Variants in KIFC3 observed in about 807,000 individuals in gnomAD.
The protein encoded by KIFC3 is kinesin-like protein KIFC3.
Under a neutral mutation model 101.8 loss-of-function variants are expected in KIFC3, and 60 were observed. The observed-to-expected ratio is 0.59, with a 90% CI of 0.48 to 0.73. The LOEUF is 0.73. Among genes scored for constraint, KIFC3 ranks in the 30% least tolerant of loss-of-function variants. The probability of loss-of-function intolerance (pLI) is 0.00; values close to 1 mark genes in which losing one functional copy is unlikely to be tolerated. For missense variants in KIFC3, 966 were observed against 1,137.1 expected, an observed-to-expected ratio of 0.85 and a Z score of 2.16; for synonymous variants, 476 against 482.7, an observed-to-expected ratio of 0.99 and a Z score of 0.18.
intron 14 of KIFC3, 92 bp downstream of exon 14, chr16:57,761,321 G>T (rs2049823949): frequency 6.3e-7 from 1 of 1,581,516 alleles, no homozygotes; most frequent in Admixed American, 1.7e-5. Context: ...TTGCCCAAGG[G>T]TGCGTGCTTA....
chr16:57,779,073 T>C (rs2052435782), intron 3 of KIFC3, among the ~76,000 whole-genome samples: 1 of 152,212 alleles, frequency 6.6e-6, no homozygotes, highest in East Asian at 1.9e-4. Context: ...AGCAATTCCA[T>C]TTCTGGGTAT....
Position 57,847,250 on chromosome 16 carries a change from GGAA to G in KIFC3, c.108+15476_108+15478del, listed in dbSNP as rs2055943829. Reference sequence around the variant, plus strand: ...AGGAAGGAAGGAAGGAAGGAAGGAAGGAAGGAAGGAAGGAAGGAAGGGAAGGGA... The same window carrying G: ...AGGAAGGAAGGAAGGAAGGAAGGAAGGGAAGGAAGGAAGGAAGGGAAGGGA... On this transcript the variant is annotated intron_variant, in intron 1 of 2. Coordinates refer to the KIFC3 transcript ENST00000563028. 7.6e-5 allele frequency among the ~76,000 whole-genome samples: 8 copies of G among 105,130 alleles called. 1 individual carries two copies. The highest frequency in any genetic ancestry group is 3.6e-4 in the South Asian group (1 of 2,798). The allele number at this position is 105,130 out of a possible 152,430, so 69.0% of individuals were successfully genotyped here.
chr16:57,791,240 T>C (rs1403587748), intron 3 of KIFC3, among the ~76,000 whole-genome samples: 2 of 152,002 alleles, frequency 1.3e-5, no homozygotes, highest in Non-Finnish European at 2.9e-5. Flanking sequence ...AAAAAGAAAA[T>C]AGAAAATTCC....
intron 1 of KIFC3, among the ~76,000 whole-genome samples, chr16:57,814,202 C>T (rs1343427521): frequency 2.0e-5 from 3 of 152,092 alleles, no homozygotes; most frequent in Admixed American, 6.6e-5. Flanking sequence ...TCATATGCTC[C>T]ACCCACACCC....
intron 3 of KIFC3, among the ~76,000 whole-genome samples, chr16:57,783,386 C>T (rs1324889015): frequency 6.7e-6 from 1 of 149,240 alleles, no homozygotes; most frequent in Non-Finnish European, 1.5e-5. Context: ...CCTTAATATA[C>T]TTACCACCGA....
chr16:57,843,220 C>T (rs1328944811), intron 1 of KIFC3, among the ~76,000 whole-genome samples: 1 of 152,126 alleles, frequency 6.6e-6, no homozygotes, highest in East Asian at 1.9e-4. Context: ...AAAAGAATCT[C>T]ACAGGCAAAT....
chr16:57,852,796 C>A (rs1010549325), intron 1 of KIFC3, among the ~76,000 whole-genome samples: 2 of 152,058 alleles, frequency 1.3e-5, no homozygotes, highest in Non-Finnish European at 2.9e-5. Context: ...ACTAAAGGAA[C>A]CTATCTAGCG....
At position 57,813,534 on chromosome 16, in the gene KIFC3, G is replaced by A. The variant is rs546002682; in HGVS notation, c.109-15252C>T. On this transcript the variant is annotated intron_variant, in intron 1 of 2. Transcript: ENST00000563028. ...CCCACCTCCTGGGGCAAATGGCACCGGATGCCCCTGTCTTAAGTGAACAAA... is the reference window on the plus strand; with the variant it reads ...CCCACCTCCTGGGGCAAATGGCACCAGATGCCCCTGTCTTAAGTGAACAAA... 34 of 259,310 alleles carry A rather than the reference G, an allele frequency of 1.3e-4. No homozygotes were observed. In the South Asian group the frequency reaches 3.4e-3, roughly 26 times the overall value. 16.1% of individuals were successfully genotyped at this position (259,310 alleles called of 1,614,324 possible).
intron 3 of KIFC3, chr16:57,781,844 G>A (rs2052772284): frequency 1.3e-6 from 1 of 797,318 alleles, no homozygotes. Context: ...CTTACTTGAG[G>A]TCACCTGACC....
intron 2 of KIFC3, among the ~76,000 whole-genome samples, chr16:57,796,573 G>A (rs2054339130): frequency 1.3e-5 from 2 of 152,232 alleles, no homozygotes; most frequent in South Asian, 4.1e-4. Context: ...GCTGGCTGAG[G>A]CCCAGTGGCA....
At chr16:57,815,605 T>C (rs1555628617) in intron 1 of KIFC3, 3 of 1,289,950 alleles carry the variant, frequency 2.3e-6, no homozygotes, top group Admixed American at 2.3e-5. Context: ...TGCCCCCACA[T>C]GGCTGCTGCA....
At chr16:57,768,271 G>A (rs943556590) in intron 9 of KIFC3, among the ~76,000 whole-genome samples, 14 of 152,018 alleles carry the variant, frequency 9.2e-5, no homozygotes, top group African/African-American at 1.9e-4. Flanking sequence ...GCTTGAACCC[G>A]GGAGGTGGGG....
intron 1 of KIFC3, among the ~76,000 whole-genome samples, chr16:57,814,425 G>A (rs549335959): frequency 6.6e-6 from 1 of 152,126 alleles, no homozygotes; most frequent in African/African-American, 2.4e-5. Flanking sequence ...GTGTGACTTA[G>A]GGTAAGTCTC....
At chr16:57,770,071 C>A in intron 7 of KIFC3, 116 bp from the exon 8 acceptor site, 1 of 1,233,762 alleles carries the variant, frequency 8.1e-7, no homozygotes, top group Non-Finnish European at 1.1e-6. Context: ...TGCACACACA[C>A]ATGTGCACAC....
chr16:57,763,820 T>C (rs982286722), intron 12 of KIFC3, among the ~76,000 whole-genome samples: 3 of 152,020 alleles, frequency 2.0e-5, no homozygotes, highest in Non-Finnish European at 4.4e-5. Flanking sequence ...CAGTGCACAC[T>C]CAAGGTGAAA....
chr16:57,840,530 G>A (rs1438891634), intron 1 of KIFC3, among the ~76,000 whole-genome samples: 1 of 152,120 alleles, frequency 6.6e-6, no homozygotes, highest in Non-Finnish European at 1.5e-5. Flanking sequence ...AGAGGCCAAG[G>A]TGGGCAGATC....
chr16:57,760,684 C>T (rs782259443), intron 16 of KIFC3, 42 bp downstream of exon 16: 2 of 1,555,552 alleles, frequency 1.3e-6, no homozygotes, highest in Non-Finnish European at 1.8e-6. Flanking sequence ...AGCGTAGCCC[C>T]TACATGCTAG....
At chr16:57,853,200 C>A (rs1488059869) in intron 1 of KIFC3, among the ~76,000 whole-genome samples, 1 of 152,126 alleles carries the variant, frequency 6.6e-6, no homozygotes, top group African/African-American at 2.4e-5. Context: ...GGGCGGATCA[C>A]CTGAGGTCAG....
At chr16:57,836,988 C>T (rs537380053) in intron 1 of KIFC3, among the ~76,000 whole-genome samples, 64 of 152,262 alleles carry the variant, frequency 4.2e-4, no homozygotes, top group Non-Finnish European at 6.5e-4. Context: ...GCCACTGTAC[C>T]TTGCCTCATC....
Sources: allele counts gnomAD v4.1 joint callset (sites outside exome capture counted in the v4.1 genomes callset), GRCh38; gene constraint gnomAD v4.1.1; transcripts MANE v1.5; gene names NCBI Gene and HGNC (gene_info 2026-07-23, HGNC 2026-07-21).